SLC10A4: variants seen among roughly 807,000 people sequenced by gnomAD.
The protein encoded by SLC10A4 is solute carrier family 10 member 4.
In SLC10A4, 17 loss-of-function variants were observed where a neutral mutation model predicts 22.5. That is an observed-to-expected ratio of 0.76 (90% CI 0.52 to 1.14). The LOEUF (loss-of-function observed/expected upper bound fraction) is 1.14, where lower values mean the gene tolerates loss of function less well. Ranked by LOEUF, SLC10A4 falls within the 50% of genes most tolerant of loss-of-function variation. The pLI is 0.00. For missense variants in SLC10A4, 548 were observed against 584.0 expected (o/e 0.94, Z 0.64); for synonymous variants, 257 against 258.2 (o/e 1.00, Z 0.04).
Position 48,484,969 on chromosome 4 carries a change from G to A in SLC10A4, c.628G>A (p.Val210Ile). The change falls in exon 2 of 3, where the codon GTC becomes ATC. Residue 210 changes from valine to isoleucine, a missense_variant. Transcript: ENST00000273861. ...MTISSTLLAL[V>I]LMPLCLWIYS... ...CATCTCCTCCACGCTTCTGGCCCTC[G>A]TCTTGATGCCCCTGTGCCTGTGGAT... is the stretch of plus-strand genomic sequence containing the variant. 2 of 1,613,968 alleles carry A rather than the reference G, an allele frequency of 1.2e-6. No homozygotes were observed. Among genetic ancestry groups the A allele is most frequent in the Non-Finnish European group, 8.5e-7 (1 of 1,179,984 alleles).
rs1718224085 is a variant in SLC10A4 at position 48,483,731 on chromosome 4, G to T, written c.170G>T (p.Gly57Val). The T allele has an allele frequency of 3.5e-6, 5 of 1,435,014 alleles. No individual in the cohort carries two copies. The East Asian group carries it at 8.7e-5, about 25-fold the overall frequency. 88.9% of individuals were successfully genotyped at this position (1,435,014 alleles called of 1,614,324 possible). A position where few individuals can be genotyped will look rare whatever the true frequency, so the allele number is the denominator to read the frequency against. ...AGCCTCGGGCCGGGTCCGAGCTTCG[G>T]CTTCAGCCCCGGCCCCACTCCGACC... ...GLSLGPGPSF[G>V]FSPGPTPTPE... Residue 57 changes from glycine (G) to valine (V), a missense_variant, in exon 1 of 3, where the codon GGC (glycine) becomes GTC (valine). This residue lies in a region of SLC10A4 where 225 missense variants were observed against 206.9 expected (regional missense o/e 1.09). Coordinates refer to ENST00000273861, the MANE Select transcript of SLC10A4 (RefSeq NM_152679.4). The surrounding 1 kb of genome is among the most constrained non-coding windows in gnomAD (Gnocchi z 5.4).
At position 48,483,656 on chromosome 4, in the gene SLC10A4, C is replaced by A; in HGVS notation, c.95C>A (p.Thr32Lys). The change falls in exon 1 of 3, where the codon ACG becomes AAG. Residue 32 changes from threonine (T) to lysine (K), a missense_variant. Physicochemically the swap from Thr to Lys is moderately conservative, Grantham distance 78 (BLOSUM62 -1). Coordinates refer to ENST00000273861, the MANE Select transcript of SLC10A4 (RefSeq NM_152679.4). The surrounding 1 kb of genome is among the most constrained non-coding windows in gnomAD (Gnocchi z 5.4). ...APNASSLGPG[T>K]DLALAPASSA... ...AATGCCAGCAGCCTGGGCCCCGGCA[C>A]GGACCTCGCCCTCGCCCCTGCCTCC... 2 of 1,487,040 alleles carry A rather than the reference C, an allele frequency of 1.3e-6. No homozygotes were observed. Among genetic ancestry groups the A allele is most frequent in the Non-Finnish European group, 1.8e-6 (2 of 1,123,406 alleles). The allele number at this position is 1,487,040 out of a possible 1,614,324, so 92.1% of individuals were successfully genotyped here.
chr4:48,483,826 T>C lies in SLC10A4; in HGVS notation c.265T>C (p.Trp89Arg), dbSNP rs1360296455. 6 of 1,533,260 alleles carry C rather than the reference T, an allele frequency of 3.9e-6. No individual in the cohort carries two copies. Among genetic ancestry groups the C allele is most frequent in the South Asian group, 2.4e-5 (2 of 83,060 alleles). 95.0% of individuals were successfully genotyped at this position (1,533,260 alleles called of 1,614,324 possible). ...CGGCCCTTCCCCGTTCCCTCGGCCC[T>C]GGGCGCCCCACGCGCTCCCGTTCTG... ...SHGPSPFPRP[W>R]APHALPFWDT... The change falls in exon 1 of 3, where the codon TGG becomes CGG. Residue 89 changes from tryptophan to arginine, a missense_variant. This residue lies in a region of SLC10A4 where 225 missense variants were observed against 206.9 expected (regional missense o/e 1.09). Coordinates refer to ENST00000273861, the MANE Select transcript of SLC10A4 (RefSeq NM_152679.4). This position sits in a 1 kb window ranked among gnomAD's most constrained non-coding sequence, Gnocchi z 5.4.
intron 2 of SLC10A4, 45 bp from the exon 3 acceptor site, chr4:48,488,382 C>T: frequency 6.6e-7 from 1 of 1,517,214 alleles, no homozygotes; most frequent in South Asian, 1.3e-5. Context: ...GATTCTCTCG[C>T]CTGAGTTCAT....
rs532072383 is a variant in SLC10A4, at chr4:48,489,078, C to CT, written c.*140dup. The CT allele has an allele frequency of 9.6e-7, 1 of 1,037,520 alleles. No homozygotes were observed. Among genetic ancestry groups the CT allele is most frequent in the Non-Finnish European group, 1.4e-6 (1 of 729,562 alleles). The allele number at this position is 1,037,520 out of a possible 1,614,324, so 64.3% of individuals were successfully genotyped here. A position where few individuals can be genotyped will look rare whatever the true frequency, so the allele number is the denominator to read the frequency against. On this transcript the variant is annotated 3_prime_UTR_variant, in exon 3 of 3. Coordinates refer to ENST00000273861, the MANE Select transcript of SLC10A4 (RefSeq NM_152679.4). ...ACAATTCTGATCTTTTTAAGGTTCACTGGTGTATTAACCAAACGTTGTCAC... is the reference window on the plus strand; with the variant it reads ...ACAATTCTGATCTTTTTAAGGTTCACTTGGTGTATTAACCAAACGTTGTCAC...
At position 48,483,534 on chromosome 4, in the gene SLC10A4, G is replaced by T. The variant is rs1440377016; in HGVS notation, c.-28G>T. ...CGGCGAGAGGCACGCGGCGGGAGGG[G>T]ACCGGAATCCGCAGCTCCGGCCGCG... is the stretch of plus-strand genomic sequence containing the variant. On this transcript the variant is annotated 5_prime_UTR_variant, in exon 1 of 3. Coordinates refer to ENST00000273861, the MANE Select transcript of SLC10A4 (RefSeq NM_152679.4). The surrounding 1 kb of genome is among the most constrained non-coding windows in gnomAD (Gnocchi z 5.4). 6.8e-7 allele frequency: 1 copy of T among 1,480,618 alleles called. No individual in the cohort carries two copies. Among genetic ancestry groups the T allele is most frequent in the South Asian group, 1.3e-5 (1 of 78,630 alleles). The allele number at this position is 1,480,618 out of a possible 1,614,324, so 91.7% of individuals were successfully genotyped here. A position where few individuals can be genotyped will look rare whatever the true frequency, so the allele number is the denominator to read the frequency against.
intron 2 of SLC10A4, among the ~76,000 whole-genome samples, chr4:48,487,883 C>G (rs545568118): frequency 7.2e-6 from 1 of 139,352 alleles, no homozygotes; most frequent in Admixed American, 7.6e-5. Flanking sequence ...CTGCTCACTG[C>G]AACCTCCACC....
chr4:48,487,849 G>A, intron 2 of SLC10A4, among the ~76,000 whole-genome samples: 1 of 125,492 alleles, frequency 8.0e-6, no homozygotes, highest in East Asian at 2.4e-4. Context: ...CTGTCACCCA[G>A]GCTGGAGTGC....
In SLC10A4 at chr4:48,488,779, A is replaced by G; in HGVS notation, c.1154A>G (p.Tyr385Cys). ...AGIFVLIYKM[Y>C]GSEMLHKRDP... ...ATTTTTGTTTTAATCTATAAAATGTATGGAAGTGAAATGTTGCACAAGCGA... is the reference window on the plus strand; with the variant it reads ...ATTTTTGTTTTAATCTATAAAATGTGTGGAAGTGAAATGTTGCACAAGCGA... The change falls in exon 3 of 3, where the codon TAT becomes TGT. Residue 385 changes from tyrosine (Y) to cysteine (C), a missense_variant. Physicochemically the swap from Tyr to Cys is radical, Grantham distance 194. Around this residue, in one of 3 missense-constraint regions of SLC10A4, gnomAD observed 314 missense variants for 353.2 expected, o/e 0.89. Transcript: ENST00000273861. The G allele has an allele frequency of 6.2e-7, 1 of 1,614,088 alleles. No individual in the cohort carries two copies. Among genetic ancestry groups the G allele is most frequent in the East Asian group, 2.2e-5 (1 of 44,888 alleles).
At chr4:48,484,313 A>G (rs1424579048) in intron 1 of SLC10A4, among the ~76,000 whole-genome samples, 162 bp downstream of exon 1, 2 of 152,238 alleles carry the variant, frequency 1.3e-5, no homozygotes, top group African/African-American at 4.8e-5. Flanking sequence ...TTTAGAAGTC[A>G]AGGCCGACCT....
At position 48,485,005 on chromosome 4, in the gene SLC10A4, G is replaced by A. The variant is rs528457188; in HGVS notation, c.664G>A (p.Ala222Thr). The A allele has an allele frequency of 1.8e-5, 29 of 1,614,074 alleles. No homozygotes were observed. In the South Asian group the frequency reaches 3.0e-4, roughly 16 times the overall value. ...MPLCLWIYSW[A>T]WINTPIVQLL... ...CCTGTGCCTGTGGATCTACAGCTGG[G>A]CTTGGATCAACACCCCTATCGTGCA... Residue 222 changes from alanine to threonine, a missense_variant, in exon 2 of 3, where the codon GCT becomes ACT. Ala to Thr is a moderately conservative substitution (Grantham distance 58, BLOSUM62 0). This residue lies in a region of SLC10A4 where 314 missense variants were observed against 353.2 expected (regional missense o/e 0.89). Transcript: ENST00000273861.
Position 48,488,456 on chromosome 4 carries a change from G to T in SLC10A4, c.831G>T (p.Leu277=). Residue 277 remains leucine, a synonymous_variant, in exon 3 of 3, where the codon CTG becomes CTT. Transcript: ENST00000273861. ...CCCTGTGGTCTCTGCTAGTGACTCT[G>T]GTGGTCCTTTTCATAATGACCGGCA... The part of the protein sequence containing the change: ...KVSLWSLLVT[L]VVLFIMTGTM... The T allele has an allele frequency of 6.2e-7, 1 of 1,611,434 alleles. No individual in the cohort carries two copies. Among genetic ancestry groups the T allele is most frequent in the Non-Finnish European group, 8.5e-7 (1 of 1,178,568 alleles).
intron 1 of SLC10A4, 111 bp downstream of exon 1, chr4:48,484,262 G>A (rs1406993605): frequency 5.4e-6 from 6 of 1,119,982 alleles, no homozygotes; most frequent in Non-Finnish European, 7.4e-6. Flanking sequence ...TAGGCGTGGA[G>A]GAAGGAGGAG....
chr4:48,487,011 C>A (rs6824125), intron 2 of SLC10A4, among the ~76,000 whole-genome samples: 33,718 of 151,848 alleles, frequency 0.22, 3,808 homozygotes, highest in Middle Eastern at 0.3. Flanking sequence ...TTCTCTCTGG[C>A]TCTAGTTTCC....
chr4:48,488,355 T>C, intron 2 of SLC10A4, 72 bp from the exon 3 acceptor site: 1 of 1,403,436 alleles, frequency 7.1e-7, no homozygotes, highest in East Asian at 2.3e-5. Context: ...GATGGGTGTT[T>C]TCTTCCGTGA....
chr4:48,486,909 T>C (rs1278676777), intron 2 of SLC10A4, among the ~76,000 whole-genome samples: 1 of 152,182 alleles, frequency 6.6e-6, no homozygotes, highest in Non-Finnish European at 1.5e-5. Flanking sequence ...AAATTTTAAA[T>C]AATTTTTTAA....
rs752414466 is a variant in SLC10A4, at chr4:48,488,631, A to G, written c.1006A>G (p.Thr336Ala). Residue 336 changes from threonine (T) to alanine (A), a missense_variant, in exon 3 of 3, where the codon ACA (threonine) becomes GCA (alanine). Coordinates refer to ENST00000273861, the MANE Select transcript of SLC10A4 (RefSeq NM_152679.4). The part of the protein sequence containing the change: ...PNCKRTVCLE[T>A]GSQNVQLCTA... ...CTGCAAGAGGACTGTATGTCTGGAA[A>G]CAGGTAGTCAGAATGTGCAGCTCTG... 4.6e-5 allele frequency: 74 copies of G among 1,614,140 alleles called. No individual in the cohort carries two copies. The highest frequency in any genetic ancestry group is 6.2e-5 in the Non-Finnish European group (73 of 1,180,016).
chr4:48,484,316 G>A lies in SLC10A4; in HGVS notation c.590+165G>A, dbSNP rs112201333. 7.5e-3 allele frequency among the ~76,000 whole-genome samples: 1,137 copies of A among 152,360 alleles called. 5 individuals carry two copies. Among genetic ancestry groups the A allele is most frequent in the Non-Finnish European group, 0.012 (841 of 68,030 alleles). On this transcript the variant is annotated intron_variant, in intron 1 of 2. Transcript: ENST00000273861. ...TGACGCCCCGGCTTTAGAAGTCAAG[G>A]CCGACCTGCAGGTTGTGCTGCTAGG...
At chr4:48,485,934 GA>G (rs1256781815) in intron 2 of SLC10A4, among the ~76,000 whole-genome samples, 7 of 151,904 alleles carry the variant, frequency 4.6e-5, no homozygotes, top group African/African-American at 1.2e-4. Flanking sequence ...TTGACTGGAG[GA>G]AAAAAAATCT....
Sources: allele counts gnomAD v4.1 joint callset (sites outside exome capture counted in the v4.1 genomes callset), GRCh38; gene constraint gnomAD v4.1.1; regional missense constraint gnomAD v4.1.1; non-coding constraint Gnocchi (gnomAD v3.1); transcripts MANE v1.5; gene names NCBI Gene and HGNC (gene_info 2026-07-23, HGNC 2026-07-21).